PCDH11X: variants seen among roughly 807,000 people sequenced by gnomAD.
The protein encoded by PCDH11X is protocadherin 11 X-linked, also known as protocadherin-11 X-linked.
PCDH11X carries 18 observed loss-of-function variants against 53.3 expected under a neutral mutation model. That is an observed-to-expected ratio of 0.34 (90% CI 0.23 to 0.50). PCDH11X has a LOEUF of 0.50. Among genes scored for constraint, PCDH11X ranks in the 20% least tolerant of loss-of-function variants. The pLI is 0.98. For synonymous variants in PCDH11X, 279 were observed against 393.3 expected (o/e 0.71, Z 3.44); for missense variants, 570 against 1,032.4 (o/e 0.55, Z 6.14).
At chrX:92,552,403 C>T (rs1403455735) in intron 10 of PCDH11X, among the ~76,000 whole-genome samples, 1 of 106,989 alleles carries the variant, frequency 9.3e-6, no homozygotes, top group African/African-American at 3.4e-5. Flanking sequence ...TGCAACTTTA[C>T]TGACCTTGTT....
At chrX:92,562,830 C>T (rs1412365440) in intron 10 of PCDH11X, among the ~76,000 whole-genome samples, 1 of 110,023 alleles carries the variant, frequency 9.1e-6, no homozygotes, top group African/African-American at 3.3e-5. Flanking sequence ...TTCTCATTTC[C>T]ATCTGAGATC....
intron 7 of PCDH11X, among the ~76,000 whole-genome samples, chrX:92,211,077 T>C (rs931661532): frequency 1.8e-5 from 2 of 111,950 alleles, no homozygotes; most frequent in Non-Finnish European, 3.8e-5. Context: ...ACTTCTCTGG[T>C]ACCAATTTTC....
intron 6 of PCDH11X, among the ~76,000 whole-genome samples, chrX:92,099,319 G>A (rs767296436): frequency 9.2e-6 from 1 of 108,204 alleles, no homozygotes; most frequent in African/African-American, 3.4e-5. Flanking sequence ...AACTGTGAGA[G>A]AGAAATTAAT....
intron 8 of PCDH11X, among the ~76,000 whole-genome samples, chrX:92,328,454 C>T (rs1260703993): frequency 1.8e-5 from 2 of 110,289 alleles, no homozygotes; most frequent in East Asian, 5.7e-4. Flanking sequence ...CAAGTTAGAG[C>T]GTGAATCAAT....
chrX:92,255,548 T>C (rs1389338317), intron 7 of PCDH11X, among the ~76,000 whole-genome samples: 1 of 108,484 alleles, frequency 9.2e-6, no homozygotes, highest in African/African-American at 3.4e-5. Context: ...TTTTCTGTTC[T>C]GTTTTTTCCC....
intron 7 of PCDH11X, among the ~76,000 whole-genome samples, chrX:92,260,107 G>A (rs1045687769): frequency 4.0e-4 from 44 of 110,298 alleles, no homozygotes; most frequent in Middle Eastern, 4.2e-3. Context: ...CTTGTGTCTC[G>A]GTAGGTTGTG....
intron 8 of PCDH11X, among the ~76,000 whole-genome samples, chrX:92,264,558 G>C (rs1444621091): frequency 9.0e-6 from 1 of 111,650 alleles, no homozygotes; most frequent in African/African-American, 3.3e-5. Context: ...GAATGAAAGA[G>C]AGAGAAGATC....
chrX:91,783,044 GCTTA>G (rs1180796347), intron 1 of PCDH11X, among the ~76,000 whole-genome samples: 5 of 111,716 alleles, frequency 4.5e-5, no homozygotes, highest in Non-Finnish European at 9.4e-5. Context: ...GCAACAAACT[GCTTA>G]CTTACTGTGT....
intron 7 of PCDH11X, among the ~76,000 whole-genome samples, chrX:92,222,280 C>A (rs1269173433): frequency 8.9e-6 from 1 of 111,921 alleles, no homozygotes; most frequent in Non-Finnish European, 1.9e-5. Flanking sequence ...TTTAGAAACA[C>A]TCTGTTTCAC....
intron 10 of PCDH11X, among the ~76,000 whole-genome samples, chrX:92,531,307 A>G (rs1160302090): frequency 7.2e-5 from 8 of 111,488 alleles, no homozygotes; most frequent in Non-Finnish European, 1.1e-4. Context: ...TCAGTGTTCC[A>G]ATTTTTCTTA....
rs778149143 is a variant in PCDH11X at position 91,879,208 on chromosome X, A to G, written c.2968A>G (p.Ser990Gly). ...KCSSSSSDPY[S>G]VSDCGYPVTT... is the part of the protein sequence containing the mutation. ...TTCCTCAAGCAGTTCAGATCCCTAC[A>G]GCGTTTCTGACTGTGGCTATCCAGT... Residue 990 changes from serine to glycine, a missense_variant, in exon 6 of 11, where the codon AGC becomes GGC. Transcript: ENST00000682573. 1.7e-6 allele frequency: 2 copies of G among 1,211,615 alleles called. No homozygotes were observed. Among genetic ancestry groups the G allele is most frequent in the East Asian group, 5.9e-5 (2 of 33,830 alleles).
intron 6 of PCDH11X, among the ~76,000 whole-genome samples, chrX:92,083,458 T>C (rs1373510518): frequency 4.5e-5 from 5 of 111,657 alleles, no homozygotes; most frequent in Admixed American, 1.9e-4. Flanking sequence ...ATTACAACTT[T>C]AAGGAATTTA....
chrX:92,071,817 G>C, intron 6 of PCDH11X, among the ~76,000 whole-genome samples: 1 of 112,123 alleles, frequency 8.9e-6, no homozygotes, highest in Admixed American at 9.4e-5. Flanking sequence ...AACTGGAGGT[G>C]TGGTGATGCA....
chrX:92,304,441 T>G (rs1189061807), intron 8 of PCDH11X, among the ~76,000 whole-genome samples: 5 of 111,992 alleles, frequency 4.5e-5, no homozygotes, highest in African/African-American at 1.6e-4. Context: ...TTTATGACAT[T>G]GTACAAGAAC....
chrX:92,473,159 T>G (rs887191122), intron 10 of PCDH11X, among the ~76,000 whole-genome samples: 17 of 108,157 alleles, frequency 1.6e-4, no homozygotes, highest in African/African-American at 4.4e-4. Context: ...TATGTTCAGG[T>G]TTTGGATTTC....
At chrX:92,370,706 C>T (rs1270661735) in intron 8 of PCDH11X, among the ~76,000 whole-genome samples, 2 of 111,429 alleles carry the variant, frequency 1.8e-5, no homozygotes, top group Non-Finnish European at 3.8e-5. Flanking sequence ...GATCCGCCCG[C>T]CTCAGCCTCC....
In PCDH11X at chrX:92,176,073, C is replaced by G. The variant is rs141865421; in HGVS notation, c.3034-25302C>G. 1.2e-3 allele frequency among the ~76,000 whole-genome samples: 138 copies of G among 110,582 alleles called. 4 individuals are homozygous for G. The East Asian group carries it at 0.03, about 24-fold the overall frequency. ...TAATGTCATCCTTTTCACTACCAACCACTGCCTCATTAGGAGCTTAGCAGA... is the reference window on the plus strand; with the variant it reads ...TAATGTCATCCTTTTCACTACCAACGACTGCCTCATTAGGAGCTTAGCAGA... On this transcript the variant is annotated intron_variant, in intron 6 of 10. Coordinates refer to ENST00000682573, the MANE Select transcript of PCDH11X (RefSeq NM_032968.5).
intron 6 of PCDH11X, among the ~76,000 whole-genome samples, chrX:91,914,177 G>T (rs935647035): frequency 2.7e-5 from 3 of 110,449 alleles, no homozygotes; most frequent in Admixed American, 9.6e-5. Context: ...CCAGCTTTCA[G>T]GAAGTCTCAT....
intron 6 of PCDH11X, among the ~76,000 whole-genome samples, chrX:92,043,889 G>C (rs1449315050): frequency 9.1e-6 from 1 of 109,852 alleles, no homozygotes; most frequent in Non-Finnish European, 1.9e-5. Flanking sequence ...ATGATTGATA[G>C]AGTTAAAAAG....
Sources: allele counts gnomAD v4.1 joint callset (sites outside exome capture counted in the v4.1 genomes callset), GRCh38; gene constraint gnomAD v4.1.1; transcripts MANE v1.5; gene names NCBI Gene and HGNC (gene_info 2026-07-23, HGNC 2026-07-21).